DLGAP4: variants seen among roughly 807,000 people sequenced by gnomAD.
DLGAP4 encodes the protein disks large-associated protein 4.
In DLGAP4, 18 loss-of-function variants were observed where a neutral mutation model predicts 86.9. That is an observed-to-expected ratio of 0.21 (90% CI 0.14 to 0.31). The LOEUF is 0.31. Among genes scored for constraint, DLGAP4 ranks in the 10% least tolerant of loss-of-function variants. The pLI is 1.00. For missense variants in DLGAP4, 1,085 were observed against 1,362.6 expected, an observed-to-expected ratio of 0.80 and a Z score of 3.21; for synonymous variants, 548 against 574.3, an observed-to-expected ratio of 0.95 and a Z score of 0.65.
At chr20:36,319,561 G>A (rs1441463455) in intron 1 of DLGAP4, among the ~76,000 whole-genome samples, 1 of 152,192 alleles carries the variant, frequency 6.6e-6, no homozygotes, top group Admixed American at 6.5e-5. Flanking sequence ...AGTGGGCCAA[G>A]GGTGAGCACT....
At chr20:36,417,106 A>G (rs1485941458) in intron 2 of DLGAP4, among the ~76,000 whole-genome samples, 1 of 152,092 alleles carries the variant, frequency 6.6e-6, no homozygotes, top group Non-Finnish European at 1.5e-5. Context: ...GGTTTGGAAA[A>G]CAATCAGGAG....
intron 7 of DLGAP4, among the ~76,000 whole-genome samples, chr20:36,480,828 A>C (rs2035153258): frequency 6.6e-6 from 1 of 152,192 alleles, no homozygotes; most frequent in African/African-American, 2.4e-5. Context: ...CAACATAGTG[A>C]GACCTCATCT....
intron 7 of DLGAP4, among the ~76,000 whole-genome samples, chr20:36,476,707 T>TTG (rs2034953528): frequency 7.8e-6 from 1 of 127,598 alleles, no homozygotes; most frequent in African/African-American, 3.6e-5. Flanking sequence ...TTTTTTTGGT[T>TTG]TTTTTTTTTT....
At chr20:36,375,260 A>G (rs1485249066) in intron 2 of DLGAP4, among the ~76,000 whole-genome samples, 1 of 152,116 alleles carries the variant, frequency 6.6e-6, no homozygotes, top group Non-Finnish European at 1.5e-5. Context: ...TTTTTTCTGG[A>G]AACTCCAGTC....
At chr20:36,345,946 A>G (rs1424939195) in intron 1 of DLGAP4, among the ~76,000 whole-genome samples, 1 of 152,064 alleles carries the variant, frequency 6.6e-6, no homozygotes, top group East Asian at 1.9e-4. Flanking sequence ...TTGTAGAGAC[A>G]GGGTCTTGCT....
chr20:36,315,572 C>T (rs1261735041), intron 1 of DLGAP4, among the ~76,000 whole-genome samples: 1 of 152,026 alleles, frequency 6.6e-6, no homozygotes, highest in Non-Finnish European at 1.5e-5. Flanking sequence ...GATGGTCTGC[C>T]CTGGCCGCAG....
chr20:36,442,858 G>A (rs1331847352), intron 6 of DLGAP4, 81 bp downstream of exon 6: 2 of 1,579,460 alleles, frequency 1.3e-6, no homozygotes, highest in East Asian at 4.5e-5. Flanking sequence ...AGTGGTCCCA[G>A]CACCCGGCCC....
rs1233105750 is a variant in DLGAP4 at position 36,461,506 on chromosome 20, G to T, written c.1648+14569G>T. ...GCCTCGGGCCGGGCTGCGTGAGGGAGGAGGGTGAGTGCCCGCCGCTGGCCG... is the reference window on the plus strand; with the variant it reads ...GCCTCGGGCCGGGCTGCGTGAGGGATGAGGGTGAGTGCCCGCCGCTGGCCG... On this transcript the variant is annotated intron_variant, in intron 7 of 12. Transcript: ENST00000339266. 50 of 983,300 alleles carry T rather than the reference G, an allele frequency of 5.1e-5. No individual in the cohort carries two copies. The African/African-American group carries it at 8.4e-4, about 17-fold the overall frequency. 60.9% of individuals were successfully genotyped at this position (983,300 alleles called of 1,614,324 possible). A position where few individuals can be genotyped will look rare whatever the true frequency, so the allele number is the denominator to read the frequency against.
chr20:36,404,972 G>A (rs13043469), intron 2 of DLGAP4, among the ~76,000 whole-genome samples: 1 of 152,224 alleles, frequency 6.6e-6, no homozygotes, highest in Non-Finnish European at 1.5e-5. Context: ...GCCTCTGGAG[G>A]AGGCGGTGTG....
rs563592526 is a variant in DLGAP4 at position 36,527,030 on chromosome 20, G to A, written c.2978G>A (p.Ter993=). Residue 993 remains the stop codon, a stop_retained_variant, in exon 13 of 13, where the codon TGA becomes TAA. Transcript: ENST00000339266. ...GTCCCGGAGGCCCAGACCAGGCTCTGAGACCATGCAGGAGGAAAGAAACGA... is the reference window on the plus strand; with the variant it reads ...GTCCCGGAGGCCCAGACCAGGCTCTAAGACCATGCAGGAGGAAAGAAACGA... ...IYVPEAQTRL[*] is the part of the protein sequence containing the mutation. 3.8e-6 allele frequency: 6 copies of A among 1,592,326 alleles called. No homozygotes were observed. In the African/African-American group the frequency reaches 8.2e-5, roughly 22 times the overall value.
chr20:36,503,420 T>G (rs1373115627), intron 10 of DLGAP4, among the ~76,000 whole-genome samples: 1 of 151,882 alleles, frequency 6.6e-6, no homozygotes, highest in East Asian at 1.9e-4. Context: ...CTAATCTTTC[T>G]GTCTCTGGAT....
At position 36,328,201 on chromosome 20, in the gene DLGAP4, G is replaced by C. The variant is rs549856232; in HGVS notation, c.-304+21689G>C. On this transcript the variant is annotated intron_variant, in intron 1 of 12. Transcript: ENST00000339266. ...ACAACAGAGCAAGACTCTGTCTCAA[G>C]AAAATAAAAAAAATAAAAAATAAAA... Among the ~76,000 whole-genome samples, 6 of 151,440 alleles carry C rather than the reference G, an allele frequency of 4.0e-5. No homozygotes were observed. The South Asian group carries it at 1.3e-3, about 32-fold the overall frequency.
chr20:36,405,572 C>T lies in DLGAP4; in HGVS notation c.-72-26074C>T, dbSNP rs184588203. Among the ~76,000 whole-genome samples, 151 of 152,054 alleles carry T rather than the reference C, an allele frequency of 9.9e-4. No homozygotes were observed. The Middle Eastern group carries it at 0.027, about 27-fold the overall frequency. On this transcript the variant is annotated intron_variant, in intron 2 of 12. Coordinates refer to ENST00000339266, the MANE Select transcript of DLGAP4 (RefSeq NM_001365621.2). ...TACTATTCTTTGAACACATCCTAGG[C>T]GTGTGCTATTTTAATAATGATGGTG... is the stretch of plus-strand genomic sequence containing the variant.
intron 2 of DLGAP4, among the ~76,000 whole-genome samples, chr20:36,400,176 C>T (rs1415072459): frequency 1.3e-5 from 2 of 152,234 alleles, no homozygotes; most frequent in African/African-American, 4.8e-5. Flanking sequence ...AGGAATGTAA[C>T]TGTCATGAAT....
rs1384722589 is a variant in DLGAP4 at position 36,431,214 on chromosome 20, G to T, written c.-72-432G>T. ...TGGGGTTCCGGGATGACTGTTTGGGGGCCTGTGGACAGAGCTAGGAGATGT... is the reference window on the plus strand; with the variant it reads ...TGGGGTTCCGGGATGACTGTTTGGGTGCCTGTGGACAGAGCTAGGAGATGT... On this transcript the variant is annotated intron_variant, in intron 2 of 12. Coordinates refer to ENST00000339266, the MANE Select transcript of DLGAP4 (RefSeq NM_001365621.2). This position sits in a 1 kb window ranked among gnomAD's most constrained non-coding sequence, Gnocchi z 5.1. Among the ~76,000 whole-genome samples, 3 of 152,068 alleles carry T rather than the reference G, an allele frequency of 2.0e-5. No homozygotes were observed. Among genetic ancestry groups the T allele is most frequent in the African/African-American group, 7.2e-5 (3 of 41,404 alleles).
chr20:36,428,853 T>C (rs1027892373), intron 2 of DLGAP4, among the ~76,000 whole-genome samples: 15 of 152,244 alleles, frequency 9.9e-5, no homozygotes, highest in African/African-American at 3.6e-4. Context: ...TGAGACACAG[T>C]CCCACTTTGT....
At chr20:36,517,208 G>A (rs569864844) in intron 10 of DLGAP4, among the ~76,000 whole-genome samples, 9 of 151,590 alleles carry the variant, frequency 5.9e-5, no homozygotes, top group South Asian at 2.1e-4. Flanking sequence ...ATGAAATCCC[G>A]TCTCTACTTA....
chr20:36,497,379 A>T, intron 8 of DLGAP4: 1 of 1,193,900 alleles, frequency 8.4e-7, no homozygotes, highest in Non-Finnish European at 1.0e-6. Context: ...CTGTCTGTCC[A>T]CTCCACCCTT....
At chr20:36,323,199 AAAAAG>A (rs2065186533) in intron 1 of DLGAP4, among the ~76,000 whole-genome samples, 1 of 150,916 alleles carries the variant, frequency 6.6e-6, no homozygotes, top group Non-Finnish European at 1.5e-5. Context: ...AAAAAAAAAA[AAAAAG>A]ATATAGGATA....
Sources: gnomAD v4.1 joint callset for allele counts (sites outside exome capture counted in the v4.1 genomes callset) on GRCh38, gnomAD v4.1.1 for gene constraint, Gnocchi (gnomAD v3.1) non-coding constraint, MANE v1.5 for transcripts, NCBI Gene and HGNC (gene_info 2026-07-23, HGNC 2026-07-21) for gene names.